AK9: variants seen among roughly 807,000 people sequenced by gnomAD.
The protein encoded by AK9 is adenylate kinase domain containing 1.
Under a neutral mutation model 239.6 loss-of-function variants are expected in AK9, and 191 were observed. That is an observed-to-expected ratio of 0.80 (90% CI 0.71 to 0.90). AK9 has a LOEUF of 0.90. Ranked by LOEUF, AK9 falls within the 40% of genes least tolerant of loss-of-function variation. The probability of loss-of-function intolerance (pLI) is 0.00; values close to 1 mark genes in which losing one functional copy is unlikely to be tolerated. For missense variants in AK9, 1,995 were observed against 2,214.7 expected (o/e 0.90, Z 1.99); for synonymous variants, 689 against 721.0 (o/e 0.96, Z 0.71).
chr6:109,498,089 C>T, intron 36 of AK9, 124 bp from the exon 37 acceptor site: 1 of 852,066 alleles, frequency 1.2e-6, no homozygotes, highest in East Asian at 2.7e-5. Context: ...GCTCCTCAAA[C>T]TGTAAATAAC....
intron 25 of AK9, among the ~76,000 whole-genome samples, chr6:109,547,137 T>C (rs17070705): frequency 0.029 from 4,371 of 152,128 alleles, 97 homozygotes; most frequent in East Asian, 0.11. Flanking sequence ...CACCAGTGGA[T>C]TGGGGCTTCT....
intron 5 of AK9, among the ~76,000 whole-genome samples, chr6:109,664,932 C>T (rs1000004007): frequency 1.3e-4 from 20 of 151,456 alleles, no homozygotes; most frequent in African/African-American, 2.4e-4. Context: ...CCCAGCTACT[C>T]GGGAGGCTGA....
At position 109,619,235 on chromosome 6, in the gene AK9, AC is replaced by A; in HGVS notation, c.1255del (p.Val419Ter). ...CTGAACAAGTTGGGCATAGTCGACTACCTGCAAAGAATATTTGAGAAAATCG... is the reference window on the plus strand; with the variant it reads ...CTGAACAAGTTGGGCATAGTCGACTACTGCAAAGAATATTTGAGAAAATCG... ...NMLAENYKGK[V>X]VDYAQLVQPR... On this transcript the variant is annotated frameshift_variant and splice_region_variant, in exon 13 of 41. Coordinates refer to ENST00000424296, the MANE Select transcript of AK9 (RefSeq NM_001145128.3). LOFTEE classifies it high-confidence loss of function. 6.5e-7 allele frequency: 1 copy of A among 1,539,262 alleles called. No homozygotes were observed. Among genetic ancestry groups the A allele is most frequent in the African/African-American group, 1.4e-5 (1 of 72,330 alleles).
rs983091139 is a variant in AK9 at position 109,585,103 on chromosome 6, T to C, written c.2114+20A>G. The C allele has an allele frequency of 2.7e-6, 3 of 1,104,122 alleles. No homozygotes were observed. In the East Asian group the frequency reaches 1.8e-4, roughly 67 times the overall value. The allele number at this position is 1,104,122 out of a possible 1,614,324, so 68.4% of individuals were successfully genotyped here. On this transcript the variant is annotated intron_variant, in intron 19 of 40. Coordinates refer to ENST00000424296, the MANE Select transcript of AK9 (RefSeq NM_001145128.3). ...ATAACAGATACATTAATCTGTTTTATCATTCTAGGCAGATTTTACCTTGCT... is the reference window on the plus strand; with the variant it reads ...ATAACAGATACATTAATCTGTTTTACCATTCTAGGCAGATTTTACCTTGCT...
In AK9 at chr6:109,674,256, A is replaced by G; in HGVS notation, c.123T>C (p.Val41=). The stretch of plus-strand genomic sequence containing the variant: ...TGTAACGGGCTAATGTTGTTTTCCC[A>G]ACACCCTTAAAAAGAAAAATGTTAT... ...VCFVVFGKPG[V]GKTTLARYIT... Residue 41 remains valine, a synonymous_variant, in exon 3 of 41, where the codon GTT becomes GTC. Transcript: ENST00000424296. The G allele has an allele frequency of 6.4e-7, 1 of 1,564,764 alleles. No homozygotes were observed. The highest frequency in any genetic ancestry group is 8.7e-7 in the Non-Finnish European group (1 of 1,155,422).
intron 25 of AK9, among the ~76,000 whole-genome samples, chr6:109,547,058 C>T (rs566238718): frequency 2.0e-5 from 3 of 152,058 alleles, no homozygotes; most frequent in African/African-American, 2.4e-5. Flanking sequence ...CCAGACTAAG[C>T]GGAAATTACA....
intron 17 of AK9, among the ~76,000 whole-genome samples, chr6:109,596,052 A>C: frequency 6.6e-6 from 1 of 152,220 alleles, no homozygotes; most frequent in Non-Finnish European, 1.5e-5. Context: ...AAAAAAATCT[A>C]TTTCTATTGG....
At chr6:109,647,796 G>GCACCA (rs201836377) in intron 8 of AK9, among the ~76,000 whole-genome samples, 80,392 of 149,906 alleles carry the variant, frequency 0.54, 22,900 homozygotes, top group East Asian at 0.83. Context: ...ATTCTTCTCA[G>GCACCA]CACCACACCA....
Position 109,564,237 on chromosome 6 carries a change from G to A in AK9, c.2478C>T (p.Pro826=), listed in dbSNP as rs958543521. The change falls in exon 23 of 41, where the codon CCC becomes CCT. Residue 826 remains proline, a synonymous_variant. Transcript: ENST00000424296. ...TCTTCTCTTTAAATGGCTCCATTTCGGGAACATCAGGATAAGAGTCTTCTG... is the reference window on the plus strand; with the variant it reads ...TCTTCTCTTTAAATGGCTCCATTTCAGGAACATCAGGATAAGAGTCTTCTG... The part of the protein sequence containing the change: ...EFPEDSYPDV[P]EMEPFKEKIG... 8.4e-6 allele frequency: 13 copies of A among 1,551,058 alleles called. No individual in the cohort carries two copies. The highest frequency in any genetic ancestry group is 2.4e-5 in the East Asian group (1 of 40,894).
chr6:109,563,811 A>G lies in AK9; in HGVS notation c.2636-99T>C, dbSNP rs1017163993. ...GTTGGGAAAATTGATTATTATTATT[A>G]TTAGTCTCTTAGATTAAATATGTAT... On this transcript the variant is annotated intron_variant, in intron 23 of 40. Transcript: ENST00000424296. 6.8e-5 allele frequency: 91 copies of G among 1,333,596 alleles called. No homozygotes were observed. The Middle Eastern group carries it at 9.3e-4, about 14-fold the overall frequency. 82.6% of individuals were successfully genotyped at this position (1,333,596 alleles called of 1,614,324 possible).
intron 3 of AK9, 142 bp from the exon 4 acceptor site, chr6:109,672,309 TACTTC>T (rs2128336820): frequency 1.3e-6 from 1 of 756,152 alleles, no homozygotes; most frequent in South Asian, 1.8e-5. Context: ...GTATGCATAT[TACTTC>T]ACTTAAGCCT....
intron 16 of AK9, among the ~76,000 whole-genome samples, chr6:109,611,518 T>C (rs1793579299): frequency 6.6e-6 from 1 of 152,200 alleles, no homozygotes; most frequent in Non-Finnish European, 1.5e-5. Flanking sequence ...ACTTCCCTTA[T>C]AGCTTGGACA....
In AK9 at chr6:109,516,511, C is replaced by T. The variant is rs1246631096; in HGVS notation, c.3765G>A (p.Gln1255=). 1.3e-6 allele frequency: 2 copies of T among 1,551,612 alleles called. No homozygotes were observed. The highest frequency in any genetic ancestry group is 2.0e-5 in the Admixed American group (1 of 50,980). Residue 1255 remains glutamine, a synonymous_variant, in exon 30 of 41, where the codon CAG becomes CAA. Transcript: ENST00000424296. ...TCAGGCGCTCAATTGCATCAGTTTC[C>T]TGTTCTTCATCTTCCTCGCCACTCA... is the stretch of plus-strand genomic sequence containing the variant. ...EEMSGEEDEE[Q]ETDAIERLRG... is the part of the protein sequence containing the mutation.
intron 1 of AK9, among the ~76,000 whole-genome samples, chr6:109,684,839 A>C (rs1583581044): frequency 1.7e-5 from 2 of 118,152 alleles, no homozygotes; most frequent in East Asian, 2.9e-4. Flanking sequence ...CCGCCACTGC[A>C]CTCCAGCCTG....
intron 1 of AK9, among the ~76,000 whole-genome samples, chr6:109,684,526 T>C (rs537743940): frequency 2.6e-5 from 4 of 151,850 alleles, no homozygotes; most frequent in African/African-American, 9.7e-5. Context: ...ATCCAGAATC[T>C]ACAAAGAACT....
At chr6:109,537,434 T>C (rs1782176728) in intron 27 of AK9, among the ~76,000 whole-genome samples, 1 of 148,350 alleles carries the variant, frequency 6.7e-6, no homozygotes, top group Admixed American at 6.8e-5. Flanking sequence ...TGCATTTCTG[T>C]GGGATTGGTG....
chr6:109,667,935 G>T (rs868339038), intron 5 of AK9, among the ~76,000 whole-genome samples: 2 of 152,190 alleles, frequency 1.3e-5, no homozygotes, highest in East Asian at 3.9e-4. Context: ...GGATGGCTGG[G>T]TCAAATGATA....
intron 29 of AK9, among the ~76,000 whole-genome samples, chr6:109,523,709 G>A: frequency 6.6e-6 from 1 of 152,046 alleles, no homozygotes; most frequent in South Asian, 2.1e-4. Flanking sequence ...GGAGAGTGAG[G>A]GTAAATGCCA....
At chr6:109,546,816 C>A (rs939645102) in intron 25 of AK9, among the ~76,000 whole-genome samples, 5 of 152,164 alleles carry the variant, frequency 3.3e-5, no homozygotes, top group African/African-American at 1.2e-4. Context: ...TTAAACCTCT[C>A]CGTGATAAAA....
Sources: allele counts gnomAD v4.1 joint callset (sites outside exome capture counted in the v4.1 genomes callset), GRCh38; gene constraint gnomAD v4.1.1; transcripts MANE v1.5; gene names NCBI Gene and HGNC (gene_info 2026-07-23, HGNC 2026-07-21).